The following USP37 variants were observed in gnomAD, a reference collection of about 807,000 sequenced individuals.
USP37 encodes ubiquitin carboxyl-terminal hydrolase 37.
A neutral mutation model predicts 124.0 loss-of-function variants in USP37; 27 were observed. The ratio of observed to expected loss-of-function variants is 0.22; its 90% CI spans 0.16 to 0.30. The LOEUF (loss-of-function observed/expected upper bound fraction) is 0.30, where lower values mean the gene tolerates loss of function less well. Ranked by LOEUF, USP37 falls within the 10% of genes least tolerant of loss-of-function variation. The pLI is 1.00. For synonymous variants in USP37, 365 were observed against 388.0 expected (o/e 0.94, Z 0.70); for missense variants, 889 against 1,140.4 (o/e 0.78, Z 3.17).
intron 20 of USP37, among the ~76,000 whole-genome samples, chr2:218,466,835 A>G (rs11903157): frequency 0.04 from 6,077 of 151,694 alleles, 395 homozygotes; most frequent in African/African-American, 0.14. Context: ...CCTGGGTTCA[A>G]GCAATTCTCA....
chr2:218,461,170 C>T (rs1689998907), intron 22 of USP37, among the ~76,000 whole-genome samples: 1 of 152,118 alleles, frequency 6.6e-6, no homozygotes, highest in African/African-American at 2.4e-5. Context: ...ATATAATTAG[C>T]TCCACTAAAA....
At chr2:218,498,706 AAC>A (rs376995476) in intron 11 of USP37, among the ~76,000 whole-genome samples, 38 of 152,264 alleles carry the variant, frequency 2.5e-4, no homozygotes, top group African/African-American at 7.0e-4. Flanking sequence ...CAGCCTCAGC[AAC>A]AGAGTGAGAC....
chr2:218,461,132 T>C (rs994390804), intron 22 of USP37, among the ~76,000 whole-genome samples: 4 of 152,098 alleles, frequency 2.6e-5, no homozygotes, highest in African/African-American at 9.7e-5. Flanking sequence ...CCAGGAGCAT[T>C]TGTACATAAA....
In USP37 at chr2:218,521,654, T is replaced by C. The variant is rs546455255; in HGVS notation, c.863+8302A>G. The stretch of plus-strand genomic sequence containing the variant: ...TGGCTTCTAGCTTCATCCATGTCCC[T>C]GCAAAGGACATGAACTCATTCTTTT... On this transcript the variant is annotated intron_variant, in intron 10 of 25. Coordinates refer to ENST00000258399, the MANE Select transcript of USP37 (RefSeq NM_020935.3). Among the ~76,000 whole-genome samples the C allele has an allele frequency of 2.8e-3, 434 of 152,338 alleles. 1 individual carries two copies. Among genetic ancestry groups the C allele is most frequent in the Non-Finnish European group, 3.5e-3 (241 of 68,034 alleles).
At chr2:218,561,028 G>A (rs1170217186) in intron 2 of USP37, 145 bp from the exon 3 acceptor site, 1 of 152,168 alleles carries the variant, frequency 6.6e-6, no homozygotes, top group African/African-American at 2.4e-5. Context: ...ATAATGTGCT[G>A]GGTAATATGA....
At position 218,491,392 on chromosome 2, in the gene USP37, A is replaced by C. The variant is rs1486425217; in HGVS notation, c.1473-2971T>G. Among the ~76,000 whole-genome samples, 4 of 152,188 alleles carry C rather than the reference A, an allele frequency of 2.6e-5. No individual in the cohort carries two copies. In the East Asian group the frequency reaches 7.7e-4, roughly 29 times the overall value. ...AGGATCTCAGTCCTATAACCATAGG[A>C]TCTGAATTCTACCCACGACCTTAAT... On this transcript the variant is annotated intron_variant, in intron 14 of 25. Coordinates refer to ENST00000258399, the MANE Select transcript of USP37 (RefSeq NM_020935.3).
At chr2:218,544,773 G>T (rs1043805407) in intron 8 of USP37, among the ~76,000 whole-genome samples, 18 of 152,112 alleles carry the variant, frequency 1.2e-4, no homozygotes, top group Non-Finnish European at 2.6e-4. Context: ...CACTGCTATA[G>T]ACCCAAGACC....
At chr2:218,510,240 C>A in intron 10 of USP37, 100 bp from the exon 11 acceptor site, 6 of 1,320,228 alleles carry the variant, frequency 4.5e-6, no homozygotes, top group Non-Finnish European at 6.2e-6. Context: ...GGAAAAAAAT[C>A]TTGAATTTAG....
rs192696561 is a variant in USP37, at chr2:218,536,951, C to G, written c.681-2245G>C. Among the ~76,000 whole-genome samples, 10 of 152,178 alleles carry G rather than the reference C, an allele frequency of 6.6e-5. No homozygotes were observed. In the East Asian group the frequency reaches 1.4e-3, roughly 21 times the overall value. ...ATAAGGTAGAGAAGGATAGGGCTCA[C>G]GCAGTATCTCCAGTATTTTAGAAAT... is the stretch of plus-strand genomic sequence containing the variant. On this transcript the variant is annotated intron_variant, in intron 8 of 25. Coordinates refer to ENST00000258399, the MANE Select transcript of USP37 (RefSeq NM_020935.3).
At chr2:218,546,448 C>T (rs370465977) in intron 7 of USP37, 150 bp from the exon 8 acceptor site, 53 of 625,358 alleles carry the variant, frequency 8.5e-5, no homozygotes, top group African/African-American at 7.3e-4. Context: ...CAGACAGTCT[C>T]GCTCTGTCAC....
chr2:218,456,438 G>A (rs1689704143), intron 24 of USP37, among the ~76,000 whole-genome samples: 1 of 149,340 alleles, frequency 6.7e-6, no homozygotes, highest in Non-Finnish European at 1.5e-5. Context: ...CCAGCCTGGT[G>A]ACAGAGTGAG....
intron 10 of USP37, among the ~76,000 whole-genome samples, chr2:218,522,728 T>C (rs1292613396): frequency 6.6e-6 from 1 of 151,902 alleles, no homozygotes; most frequent in Non-Finnish European, 1.5e-5. Flanking sequence ...TTATGTCCCT[T>C]AGTAATCCTT....
intron 6 of USP37, among the ~76,000 whole-genome samples, chr2:218,548,744 AT>A (rs748961703): frequency 7.2e-5 from 11 of 152,130 alleles, no homozygotes; most frequent in Non-Finnish European, 1.5e-4. Context: ...TATGTACAAT[AT>A]TCTCTATTAT....
chr2:218,513,828 G>T (rs575829638), intron 10 of USP37, among the ~76,000 whole-genome samples: 10 of 152,122 alleles, frequency 6.6e-5, no homozygotes, highest in African/African-American at 1.9e-4. Context: ...TTTATTTTTT[G>T]AGACAGGGTC....
At chr2:218,535,957 A>G (rs1691610823) in intron 8 of USP37, among the ~76,000 whole-genome samples, 1 of 137,352 alleles carries the variant, frequency 7.3e-6, no homozygotes, top group African/African-American at 2.6e-5. Context: ...CAGAGGTTGC[A>G]GTGAGCCAGG....
At chr2:218,548,823 C>T (rs888800245) in intron 6 of USP37, among the ~76,000 whole-genome samples, 6 of 152,042 alleles carry the variant, frequency 3.9e-5, no homozygotes, top group South Asian at 2.1e-4. Flanking sequence ...ACTCCACTAA[C>T]GAGAATTACT....
chr2:218,480,623 G>A (rs911811944), intron 17 of USP37, among the ~76,000 whole-genome samples: 1 of 152,162 alleles, frequency 6.6e-6, no homozygotes, highest in Non-Finnish European at 1.5e-5. Flanking sequence ...GTCAGACACT[G>A]TGCTAAGAAC....
chr2:218,505,958 G>C (rs1289872631), intron 11 of USP37, among the ~76,000 whole-genome samples: 1 of 151,870 alleles, frequency 6.6e-6, no homozygotes, highest in African/African-American at 2.4e-5. Context: ...TGACCTCCTG[G>C]ACTCAAGCAA....
intron 22 of USP37, among the ~76,000 whole-genome samples, chr2:218,461,205 C>T (rs1405954540): frequency 6.6e-6 from 1 of 152,050 alleles, no homozygotes; most frequent in East Asian, 1.9e-4. Context: ...GATTTACAAT[C>T]ACATGAATAT....
Sources: allele counts gnomAD v4.1 joint callset (sites outside exome capture counted in the v4.1 genomes callset), GRCh38; gene constraint gnomAD v4.1.1; transcripts MANE v1.5; gene names NCBI Gene and HGNC (gene_info 2026-07-23, HGNC 2026-07-21).